SYT16: variants seen among roughly 807,000 people sequenced by gnomAD.
The protein encoded by SYT16 is synaptotagmin-16.
In SYT16, 42 loss-of-function variants were observed where a neutral mutation model predicts 61.4. The ratio of observed to expected loss-of-function variants is 0.68; its 90% confidence interval spans 0.53 to 0.89. The LOEUF (loss-of-function observed/expected upper bound fraction) is 0.89, where lower values mean the gene tolerates loss of function less well. Among genes scored for constraint, SYT16 ranks in the 40% least tolerant of loss-of-function variants. The probability of loss-of-function intolerance (pLI) is 0.00; values close to 1 mark genes in which losing one functional copy is unlikely to be tolerated. For synonymous variants in SYT16, 314 were observed against 302.3 expected, an observed-to-expected ratio of 1.04 and a Z score of -0.40; for missense variants, 804 against 807.3, an observed-to-expected ratio of 1.00 and a Z score of 0.05.
chr14:61,867,919 A>T (rs898759085), intron 1 of SYT16, among the ~76,000 whole-genome samples: 2 of 152,218 alleles, frequency 1.3e-5, no homozygotes, highest in African/African-American at 4.8e-5. Flanking sequence ...TGTAGAGAAG[A>T]TCATATGGTT....
At chr14:62,093,421 G>T (rs2057162432) in intron 7 of SYT16, among the ~76,000 whole-genome samples, 1 of 151,936 alleles carries the variant, frequency 6.6e-6, no homozygotes, top group Non-Finnish European at 1.5e-5. Flanking sequence ...AAATTGCTAT[G>T]TAAAAGATAG....
intron 2 of SYT16, among the ~76,000 whole-genome samples, chr14:61,991,012 T>C (rs115732966): frequency 1.1e-3 from 166 of 152,344 alleles, no homozygotes; most frequent in African/African-American, 3.9e-3. Flanking sequence ...AAGTAGCCTT[T>C]AAGAATATAT....
Position 61,901,762 on chromosome 14 carries a change from A to AATAATAATAATTATT in SYT16, c.-324-68368_-324-68367insAATAATAATTATTAT, listed in dbSNP as rs1010775490. On this transcript the variant is annotated intron_variant, in intron 1 of 7. Transcript: ENST00000683842. ...TGCTTATAATAATAATAATAATAAT[A>AATAATAATAATTATT]ATTATTATTATTATTATTTTTTGGA... Among the ~76,000 whole-genome samples, 1,114 of 138,782 alleles carry AATAATAATAATTATT rather than the reference A, an allele frequency of 8.0e-3. 18 individuals carry two copies. Among genetic ancestry groups the AATAATAATAATTATT allele is most frequent in the African/African-American group, 0.031 (1,069 of 34,054 alleles). The allele number at this position is 138,782 out of a possible 152,430, so 91.0% of individuals were successfully genotyped here. A position where few individuals can be genotyped will look rare whatever the true frequency, so the allele number is the denominator to read the frequency against.
At chr14:62,015,739 AG>A (rs2053646395) in intron 3 of SYT16, among the ~76,000 whole-genome samples, 2 of 152,310 alleles carry the variant, frequency 1.3e-5, no homozygotes, top group South Asian at 4.1e-4. Flanking sequence ...CTGTCTCAGA[AG>A]TTGGCCTTCA....
At chr14:61,841,787 G>A (rs950037075) in intron 1 of SYT16, among the ~76,000 whole-genome samples, 2 of 151,940 alleles carry the variant, frequency 1.3e-5, no homozygotes, top group Non-Finnish European at 2.9e-5. Context: ...TTTTGCTTTT[G>A]TGTTAGTTCC....
chr14:62,047,021 C>T (rs375803156), intron 3 of SYT16, among the ~76,000 whole-genome samples: 58 of 152,268 alleles, frequency 3.8e-4, no homozygotes, highest in Admixed American at 1.9e-3. Flanking sequence ...GGGGATGGCA[C>T]TGAATCTGTA....
Position 61,996,321 on chromosome 14 carries a change from C to G in SYT16, c.302C>G (p.Ser101Cys), listed in dbSNP as rs2052767295. 1 of 1,613,416 alleles carries G rather than the reference C, an allele frequency of 6.2e-7. No individual in the cohort carries two copies. Among genetic ancestry groups the G allele is most frequent in the Non-Finnish European group, 8.5e-7 (1 of 1,179,520 alleles). The change falls in exon 3 of 8, where the codon TCT (serine) becomes TGT (cysteine). Residue 101 changes from serine to cysteine, a missense_variant. Physicochemically the swap from Ser to Cys is moderately radical, Grantham distance 112 (BLOSUM62 -1). Transcript: ENST00000683842. ...FSCCNSDLQD[S>C]AQNSSPSLSQ... ...TGTTGTAATAGTGATTTGCAGGACT[C>G]TGCCCAAAATTCAAGCCCAAGCCTT...
In SYT16 at chr14:62,081,196, A is replaced by G. The variant is rs1350645108; in HGVS notation, c.1356A>G (p.Lys452=). 3 of 1,613,838 alleles carry G rather than the reference A, an allele frequency of 1.9e-6. No individual in the cohort carries two copies. Among genetic ancestry groups the G allele is most frequent in the Admixed American group, 3.3e-5 (2 of 59,988 alleles). ...CCCGAGAGAGAATGATGGGAGAGAA[A>G]CTATTCTATCTCAGCCACCTGCACC... ...KMTRERMMGE[K]LFYLSHLHPE... is the part of the protein sequence containing the mutation. Residue 452 remains lysine, a synonymous_variant, in exon 6 of 8, where the codon AAA becomes AAG. Transcript: ENST00000683842.
At chr14:62,081,357 C>A in intron 6 of SYT16, 83 bp downstream of exon 6, 1 of 1,393,102 alleles carries the variant, frequency 7.2e-7, no homozygotes, top group Non-Finnish European at 9.7e-7. Context: ...TACGTTCAGT[C>A]TGTGAATTCA....
At chr14:61,834,365 C>T (rs959761092) in intron 1 of SYT16, among the ~76,000 whole-genome samples, 1 of 148,314 alleles carries the variant, frequency 6.7e-6, no homozygotes, top group Non-Finnish European at 1.5e-5. Flanking sequence ...CTCTTGGCCT[C>T]GTGATCTGCC....
chr14:61,856,337 G>A (rs1425475577), intron 1 of SYT16, among the ~76,000 whole-genome samples: 1 of 152,216 alleles, frequency 6.6e-6, no homozygotes, highest in East Asian at 1.9e-4. Context: ...CAGCAGGGGA[G>A]TAGCAGTGGA....
chr14:62,056,505 C>G (rs898228250), intron 3 of SYT16, among the ~76,000 whole-genome samples: 1 of 152,168 alleles, frequency 6.6e-6, no homozygotes, highest in African/African-American at 2.4e-5. Flanking sequence ...ACTCCGTTTC[C>G]GGATGAATCC....
At chr14:61,879,404 T>C (rs1409839111) in intron 1 of SYT16, among the ~76,000 whole-genome samples, 2 of 152,220 alleles carry the variant, frequency 1.3e-5, no homozygotes, top group African/African-American at 2.4e-5. Flanking sequence ...TGGAAAATAG[T>C]AAGATCTCAA....
chr14:61,929,155 A>T (rs10132226), intron 1 of SYT16, among the ~76,000 whole-genome samples: 24,830 of 152,196 alleles, frequency 0.16, 2,386 homozygotes, highest in South Asian at 0.24. Flanking sequence ...GTTTTGATGT[A>T]GTCAGTTCAT....
chr14:62,069,650 G>C lies in SYT16; in HGVS notation c.571G>C (p.Asp191His), dbSNP rs377603932. 8 of 1,613,872 alleles carry C rather than the reference G, an allele frequency of 5.0e-6. No individual in the cohort carries two copies. The highest frequency in any genetic ancestry group is 3.3e-4 in the Middle Eastern group (2 of 6,084). ...DEELSTSSDS[D>H]EEVIKQFEIS... ...AGAGCTGTCCACATCTTCTGACAGT[G>C]ACGAGGAGGTGATCAAACAATTTGA... The change falls in exon 4 of 8, where the codon GAC becomes CAC. Residue 191 changes from aspartate to histidine, a missense_variant. Physicochemically the swap from Asp to His is moderately conservative, Grantham distance 81. Coordinates refer to ENST00000683842, the MANE Select transcript of SYT16 (RefSeq NM_001367656.1).
At chr14:62,097,259 A>C (rs1239452305) in intron 7 of SYT16, among the ~76,000 whole-genome samples, 2 of 152,166 alleles carry the variant, frequency 1.3e-5, no homozygotes, top group East Asian at 3.8e-4. Flanking sequence ...AGGGCTGTCA[A>C]GGGATTATGA....
At chr14:61,998,946 A>T (rs1174607034) in intron 3 of SYT16, among the ~76,000 whole-genome samples, 1 of 151,924 alleles carries the variant, frequency 6.6e-6, no homozygotes, top group African/African-American at 2.4e-5. Context: ...ATGTTGAAAT[A>T]AATAACACTG....
chr14:61,824,273 ACTT>A (rs1594695104), intron 1 of SYT16, among the ~76,000 whole-genome samples: 1 of 152,120 alleles, frequency 6.6e-6, no homozygotes, highest in Non-Finnish European at 1.5e-5. Context: ...GGAAAGAACT[ACTT>A]CTGCAGATAT....
chr14:62,001,490 T>C (rs1243760299), intron 3 of SYT16, among the ~76,000 whole-genome samples: 1 of 152,136 alleles, frequency 6.6e-6, no homozygotes, highest in Non-Finnish European at 1.5e-5. Context: ...CACTTGGAGC[T>C]TTGAAGATTT....
Sources: allele counts gnomAD v4.1 joint callset (sites outside exome capture counted in the v4.1 genomes callset), GRCh38; gene constraint gnomAD v4.1.1; transcripts MANE v1.5; gene names NCBI Gene and HGNC (gene_info 2026-07-23, HGNC 2026-07-21).